The following CNTN5 variants were observed in gnomAD, a reference collection of about 807,000 sequenced individuals.
CNTN5 encodes contactin-5.
Under a neutral mutation model 129.1 loss-of-function variants are expected in CNTN5, and 77 were observed. That is an observed-to-expected ratio of 0.60 (90% CI 0.50 to 0.72). The LOEUF (loss-of-function observed/expected upper bound fraction) is 0.72, where lower values mean the gene tolerates loss of function less well. Ranked by LOEUF, CNTN5 falls within the 30% of genes least tolerant of loss-of-function variation. CNTN5 has a pLI of 0.00. For synonymous variants in CNTN5, 509 were observed against 465.6 expected (o/e 1.09, Z -1.20); for missense variants, 1,478 against 1,328.8 (o/e 1.11, Z -1.75).
chr11:99,892,676 A>G (rs1949094624), intron 6 of CNTN5, among the ~76,000 whole-genome samples: 1 of 152,036 alleles, frequency 6.6e-6, no homozygotes, highest in African/African-American at 2.4e-5. Context: ...GTTCCGTTCC[A>G]TTGGTCTATA....
intron 8 of CNTN5, among the ~76,000 whole-genome samples, chr11:99,991,171 A>C (rs1162672728): frequency 2.6e-5 from 4 of 151,926 alleles, no homozygotes; most frequent in Non-Finnish European, 5.9e-5. Context: ...AACAGTCAAA[A>C]CTCTTCTGGT....
chr11:99,871,358 A>C (rs1357210304), intron 6 of CNTN5, among the ~76,000 whole-genome samples: 2 of 152,106 alleles, frequency 1.3e-5, no homozygotes, highest in Non-Finnish European at 2.9e-5. Flanking sequence ...TATAATCATT[A>C]TTCAGATGAT....
At chr11:100,272,826 C>G (rs1194636132) in intron 18 of CNTN5, among the ~76,000 whole-genome samples, 1 of 152,258 alleles carries the variant, frequency 6.6e-6, no homozygotes, top group African/African-American at 2.4e-5. Context: ...GGAACCCCAG[C>G]AGAAGGAGAC....
intron 20 of CNTN5, among the ~76,000 whole-genome samples, chr11:100,302,196 A>ACT (rs1951237992): frequency 1.3e-4 from 19 of 151,744 alleles, no homozygotes; most frequent in Admixed American, 1.1e-3. Flanking sequence ...CTTTACTTAA[A>ACT]AAGGAGTGAG....
At chr11:99,888,749 C>T (rs1320178532) in intron 6 of CNTN5, among the ~76,000 whole-genome samples, 1 of 152,160 alleles carries the variant, frequency 6.6e-6, no homozygotes, top group Non-Finnish European at 1.5e-5. Context: ...GGACATTATC[C>T]TCAGTGCTCT....
At chr11:99,543,326 A>T (rs986029039) in intron 2 of CNTN5, among the ~76,000 whole-genome samples, 3 of 152,190 alleles carry the variant, frequency 2.0e-5, no homozygotes, top group African/African-American at 7.2e-5. Context: ...TCACTGGCCA[A>T]TTGACTGTGG....
chr11:99,992,671 T>A (rs928995180), intron 8 of CNTN5, among the ~76,000 whole-genome samples: 2 of 152,160 alleles, frequency 1.3e-5, no homozygotes, highest in African/African-American at 2.4e-5. Context: ...GTGTTTTGGC[T>A]CTCTGTTCTG....
At chr11:100,307,401 A>T (rs779788159) in intron 20 of CNTN5, among the ~76,000 whole-genome samples, 2 of 151,684 alleles carry the variant, frequency 1.3e-5, no homozygotes, top group Non-Finnish European at 3.0e-5. Flanking sequence ...TGTGTTTGTG[A>T]CACAGTATTT....
chr11:99,980,015 A>G (rs1938232596), intron 8 of CNTN5, among the ~76,000 whole-genome samples: 4 of 152,220 alleles, frequency 2.6e-5, no homozygotes, highest in Admixed American at 2.0e-4. Flanking sequence ...AACACATAGT[A>G]AACCCCATAT....
At chr11:100,099,553 TAAC>T (rs1227028295) in intron 13 of CNTN5, among the ~76,000 whole-genome samples, 1 of 151,596 alleles carries the variant, frequency 6.6e-6, no homozygotes, top group Non-Finnish European at 1.5e-5. Flanking sequence ...CACAAGGGGA[TAAC>T]TACACAAGGC....
intron 3 of CNTN5, among the ~76,000 whole-genome samples, chr11:99,636,195 C>A (rs1951545674): frequency 6.6e-6 from 1 of 151,818 alleles, no homozygotes; most frequent in Admixed American, 6.6e-5. Context: ...AATGGGAATT[C>A]TACTTTTATC....
At position 99,527,849 on chromosome 11, in the gene CNTN5, T is replaced by C. The variant is rs1374695247; in HGVS notation, c.-70-28296T>C. ...TGCATCAAACAAGAGTTGCAGGATC[T>C]AGACAGAGTAGACAGAGATCAAGCA... is the stretch of plus-strand genomic sequence containing the variant. On this transcript the variant is annotated intron_variant, in intron 2 of 24. Coordinates refer to ENST00000524871, the MANE Select transcript of CNTN5 (RefSeq NM_014361.4). Among the ~76,000 whole-genome samples the C allele has an allele frequency of 2.6e-5, 4 of 152,134 alleles. 1 individual carries two copies. Among genetic ancestry groups the C allele is most frequent in the Admixed American group, 2.6e-4 (4 of 15,276 alleles).
At position 99,064,407 on chromosome 11, in the gene CNTN5, A is replaced by T. The variant is rs868834884; in HGVS notation, c.-210+43137A>T. ...CAGCATGTAGGGAAAGAGCAACCTG[A>T]ACCAGAAAAATGTACAGAAAACTAA... On this transcript the variant is annotated intron_variant, in intron 1 of 24. Coordinates refer to ENST00000524871, the MANE Select transcript of CNTN5 (RefSeq NM_014361.4). Among the ~76,000 whole-genome samples the T allele has an allele frequency of 1.7e-4, 25 of 150,220 alleles. 1 individual carries two copies. Among genetic ancestry groups the T allele is most frequent in the Middle Eastern group, 7.9e-3 (2 of 252 alleles).
chr11:99,122,687 G>T (rs914299796), intron 1 of CNTN5, among the ~76,000 whole-genome samples: 2 of 151,688 alleles, frequency 1.3e-5, no homozygotes, highest in African/African-American at 4.8e-5. Context: ...TTATTTTTTT[G>T]ATCCTCTCAC....
intron 2 of CNTN5, among the ~76,000 whole-genome samples, chr11:99,414,839 A>C (rs1361840243): frequency 6.6e-6 from 1 of 152,204 alleles, no homozygotes; most frequent in African/African-American, 2.4e-5. Context: ...AATGGCAGAC[A>C]ATCAAACGGG....
At chr11:99,175,101 G>T (rs1251069228) in intron 1 of CNTN5, among the ~76,000 whole-genome samples, 3 of 152,024 alleles carry the variant, frequency 2.0e-5, no homozygotes, top group Non-Finnish European at 4.4e-5. Flanking sequence ...AGGTATGGTG[G>T]CATGCACCTG....
intron 3 of CNTN5, among the ~76,000 whole-genome samples, chr11:99,791,431 G>A (rs949930461): frequency 1.3e-5 from 2 of 151,978 alleles, no homozygotes; most frequent in African/African-American, 4.8e-5. Flanking sequence ...TTTGTCTACT[G>A]TGTCAAAGAG....
chr11:99,311,307 T>C (rs936600613), intron 1 of CNTN5, among the ~76,000 whole-genome samples: 3 of 152,178 alleles, frequency 2.0e-5, no homozygotes, highest in Non-Finnish European at 2.9e-5. Context: ...TTATCTGATT[T>C]GATTTGCTAA....
intron 2 of CNTN5, among the ~76,000 whole-genome samples, chr11:99,383,919 CTT>C (rs1256803801): frequency 7.9e-5 from 12 of 152,118 alleles, no homozygotes; most frequent in African/African-American, 2.7e-4. Context: ...TTTAAAGTCT[CTT>C]TAAATTTCTT....
Sources: gnomAD v4.1 joint callset for allele counts (sites outside exome capture counted in the v4.1 genomes callset) on GRCh38, gnomAD v4.1.1 for gene constraint, MANE v1.5 for transcripts, NCBI Gene and HGNC (gene_info 2026-07-23, HGNC 2026-07-21) for gene names.